NALF1: variants seen among roughly 807,000 people sequenced by gnomAD.
The protein encoded by NALF1 is NALCN channel auxiliary factor 1.
A neutral mutation model predicts 48.4 loss-of-function variants in NALF1; 3 were observed. The observed-to-expected ratio is 0.06, with a 90% CI of 0.03 to 0.16. NALF1 has a LOEUF of 0.16. Ranked by LOEUF, NALF1 falls within the 10% of genes least tolerant of loss-of-function variation. The pLI is 1.00. For synonymous variants in NALF1, 262 were observed against 245.7 expected (o/e 1.07, Z -0.62); for missense variants, 526 against 571.5 (o/e 0.92, Z 0.81).
chr13:107,293,483 C>G (rs1220132448), intron 1 of NALF1, among the ~76,000 whole-genome samples: 1 of 152,088 alleles, frequency 6.6e-6, no homozygotes, highest in Non-Finnish European at 1.5e-5. Flanking sequence ...ATCTCTAGGC[C>G]TCACTTCCCT....
intron 1 of NALF1, among the ~76,000 whole-genome samples, chr13:107,254,528 T>C (rs1042653210): frequency 2.0e-5 from 3 of 152,130 alleles, no homozygotes; most frequent in East Asian, 3.9e-4. Context: ...GAGTGGGGAA[T>C]GGTCATTTCT....
intron 1 of NALF1, among the ~76,000 whole-genome samples, chr13:107,396,907 G>A (rs924720778): frequency 2.6e-5 from 4 of 152,174 alleles, no homozygotes; most frequent in African/African-American, 7.2e-5. Flanking sequence ...CAGACTAGAC[G>A]TGTGTGTTTA....
At chr13:107,326,288 T>C (rs1005641625) in intron 1 of NALF1, among the ~76,000 whole-genome samples, 10 of 152,028 alleles carry the variant, frequency 6.6e-5, no homozygotes, top group Non-Finnish European at 1.0e-4. Context: ...CCATTCTCCT[T>C]CTGATAAATG....
At chr13:107,512,544 G>A (rs990582822) in intron 1 of NALF1, among the ~76,000 whole-genome samples, 6 of 152,164 alleles carry the variant, frequency 3.9e-5, no homozygotes, top group African/African-American at 1.4e-4. Flanking sequence ...GCCAGTGGTG[G>A]AGCAGAAGAA....
chr13:107,754,721 G>A (rs1243518437), intron 1 of NALF1, among the ~76,000 whole-genome samples: 1 of 152,124 alleles, frequency 6.6e-6, no homozygotes, highest in Non-Finnish European at 1.5e-5. Context: ...TTCACTGTAA[G>A]ATCACATAAT....
intron 2 of NALF1, among the ~76,000 whole-genome samples, chr13:107,182,950 T>A (rs576662555): frequency 6.6e-6 from 1 of 152,340 alleles, no homozygotes; most frequent in Non-Finnish European, 1.5e-5. Context: ...CATCCAAGTC[T>A]ATTTTATGAA....
At chr13:107,200,620 A>C (rs978285274) in intron 2 of NALF1, among the ~76,000 whole-genome samples, 1 of 152,196 alleles carries the variant, frequency 6.6e-6, no homozygotes, top group African/African-American at 2.4e-5. Context: ...AACTGCATTT[A>C]ATAACAGATG....
Position 107,611,611 on chromosome 13 carries a change from G to T in NALF1, c.915+254071C>A, listed in dbSNP as rs1879225644. Among the ~76,000 whole-genome samples the T allele has an allele frequency of 2.0e-5, 3 of 152,154 alleles. No individual in the cohort carries two copies. The South Asian group carries it at 6.2e-4, about 32-fold the overall frequency. On this transcript the variant is annotated intron_variant, in intron 1 of 2. Transcript: ENST00000375915. ...GGAAAACTAATGGGTTGAGTGCAGT[G>T]GCTCACGCCTGTAATCTTAGCCACT...
At chr13:107,327,566 T>C (rs1052194575) in intron 1 of NALF1, among the ~76,000 whole-genome samples, 6 of 152,218 alleles carry the variant, frequency 3.9e-5, no homozygotes, top group African/African-American at 1.4e-4. Context: ...GTCCTAGATA[T>C]GGTAATTTAT....
rs923474091 is a variant in NALF1, at chr13:107,167,558, C to T, written c.*2939G>A. On this transcript the variant is annotated 3_prime_UTR_variant, in exon 3 of 3. Transcript: ENST00000375915. Reference sequence around the variant, plus strand: ...ACTAATAAATACTAGGCACTGAAATCATTCTCCTGTAATAAGAATAGATGA... The same window carrying T: ...ACTAATAAATACTAGGCACTGAAATTATTCTCCTGTAATAAGAATAGATGA... 4 of 152,318 alleles carry T rather than the reference C, an allele frequency of 2.6e-5. No homozygotes were observed. The highest frequency in any genetic ancestry group is 2.6e-4 in the Admixed American group (4 of 15,296). The allele number at this position is 152,318 out of a possible 1,614,324, so 9.4% of individuals were successfully genotyped here. A position where few individuals can be genotyped will look rare whatever the true frequency, so the allele number is the denominator to read the frequency against.
At chr13:107,662,885 G>C (rs1880765918) in intron 1 of NALF1, among the ~76,000 whole-genome samples, 1 of 152,052 alleles carries the variant, frequency 6.6e-6, no homozygotes, top group Non-Finnish European at 1.5e-5. Flanking sequence ...TTTTGGCTAA[G>C]TATGTTTTAG....
intron 1 of NALF1, among the ~76,000 whole-genome samples, chr13:107,305,073 A>T (rs1458715121): frequency 6.6e-6 from 1 of 152,202 alleles, no homozygotes; most frequent in Non-Finnish European, 1.5e-5. Context: ...CAACATTTAC[A>T]TTCAAACTTC....
intron 1 of NALF1, among the ~76,000 whole-genome samples, chr13:107,555,984 T>C (rs1022540823): frequency 6.6e-6 from 1 of 152,154 alleles, no homozygotes; most frequent in Non-Finnish European, 1.5e-5. Context: ...AATTTTACTA[T>C]AAAATTATTA....
At chr13:107,706,777 C>G (rs964264670) in intron 1 of NALF1, among the ~76,000 whole-genome samples, 3 of 152,172 alleles carry the variant, frequency 2.0e-5, no homozygotes, top group Non-Finnish European at 4.4e-5. Context: ...TGTAAACATC[C>G]TGCTTTCAAA....
chr13:107,619,675 AT>A (rs1489614270), intron 1 of NALF1, among the ~76,000 whole-genome samples: 1 of 152,226 alleles, frequency 6.6e-6, no homozygotes, highest in African/African-American at 2.4e-5. Context: ...ATCACAGACT[AT>A]TCAAACTGGA....
chr13:107,585,732 A>G (rs902537550), intron 1 of NALF1, among the ~76,000 whole-genome samples: 1 of 152,106 alleles, frequency 6.6e-6, no homozygotes, highest in African/African-American at 2.4e-5. Context: ...GTCAAGGACA[A>G]TAAATACCTC....
At chr13:107,463,454 A>G (rs1201060064) in intron 1 of NALF1, among the ~76,000 whole-genome samples, 1 of 152,222 alleles carries the variant, frequency 6.6e-6, no homozygotes, top group Non-Finnish European at 1.5e-5. Context: ...TGCTGGACCA[A>G]ATAAAAAGCA....
intron 2 of NALF1, among the ~76,000 whole-genome samples, chr13:107,209,313 C>A (rs1289132205): frequency 6.6e-6 from 1 of 152,120 alleles, no homozygotes; most frequent in African/African-American, 2.4e-5. Context: ...TGGAGACCAG[C>A]CTGGCCAACA....
At chr13:107,846,747 G>A (rs918709021) in intron 1 of NALF1, among the ~76,000 whole-genome samples, 28 of 152,188 alleles carry the variant, frequency 1.8e-4, no homozygotes, top group African/African-American at 5.8e-4. Context: ...AAAGGCAGTT[G>A]TCCTAAAGTG....
Sources: allele counts gnomAD v4.1 joint callset (sites outside exome capture counted in the v4.1 genomes callset), GRCh38; gene constraint gnomAD v4.1.1; transcripts MANE v1.5; gene names NCBI Gene and HGNC (gene_info 2026-07-23, HGNC 2026-07-21).